Variants in MBNL1 observed in about 807,000 individuals in gnomAD.
The protein encoded by MBNL1 is muscleblind like splicing regulator 1.
Under a neutral mutation model 42.2 loss-of-function variants are expected in MBNL1, and 8 were observed. That is an observed-to-expected ratio of 0.19 (90% CI 0.11 to 0.34). The LOEUF (loss-of-function observed/expected upper bound fraction) is 0.34, where lower values mean the gene tolerates loss of function less well. Ranked by LOEUF, MBNL1 falls within the 10% of genes least tolerant of loss-of-function variation. MBNL1 has a pLI of 1.00. For missense variants in MBNL1, 309 were observed against 495.3 expected (o/e 0.62, Z 3.57); for synonymous variants, 169 against 173.9 (o/e 0.97, Z 0.22).
Position 152,289,317 on chromosome 3 carries a change from TAGAA to T in MBNL1, c.-789-10084_-789-10081del, listed in dbSNP as rs773529898. 3.5e-4 allele frequency among the ~76,000 whole-genome samples: 54 copies of T among 152,244 alleles called. 1 individual carries two copies. The highest frequency in any genetic ancestry group is 1.2e-3 in the African/African-American group (50 of 41,580). ...TTATATTGATCTGTTTCTATTGACA[TAGAA>T]AGATCATTAATATATTTTATATTGT... On this transcript the variant is annotated intron_variant, in intron 1 of 9. Coordinates refer to ENST00000324210, the MANE Select transcript of MBNL1 (RefSeq NM_021038.5).
intron 2 of MBNL1, among the ~76,000 whole-genome samples, chr3:152,400,600 G>A (rs2098173031): frequency 6.6e-6 from 1 of 152,088 alleles, no homozygotes; most frequent in South Asian, 2.1e-4. Context: ...CTTTTTCCTT[G>A]AAATATTTTC....
At chr3:152,329,961 C>T (rs2083217704) in intron 2 of MBNL1, among the ~76,000 whole-genome samples, 1 of 151,832 alleles carries the variant, frequency 6.6e-6, no homozygotes, top group Non-Finnish European at 1.5e-5. Flanking sequence ...TTGTAACTGT[C>T]TATATCATAC....
intron 2 of MBNL1, among the ~76,000 whole-genome samples, chr3:152,316,914 A>AT (rs2072062951): frequency 6.6e-6 from 1 of 151,904 alleles, no homozygotes. Flanking sequence ...CTATGGATGA[A>AT]TTTTTAAAAA....
chr3:152,461,051 T>G (rs1014390102), intron 9 of MBNL1, among the ~76,000 whole-genome samples: 3 of 152,276 alleles, frequency 2.0e-5, no homozygotes, highest in African/African-American at 7.2e-5. Context: ...GGTGTTGTTC[T>G]AAAGAGAATG....
At chr3:152,340,607 C>CT in intron 2 of MBNL1, 1 of 1,613,888 alleles carries the variant, frequency 6.2e-7, no homozygotes, top group Non-Finnish European at 8.5e-7. Flanking sequence ...AGTTTGGAAA[C>CT]TATCAGCAGG....
chr3:152,366,588 C>T (rs992094383), intron 2 of MBNL1, among the ~76,000 whole-genome samples: 1 of 152,086 alleles, frequency 6.6e-6, no homozygotes, highest in African/African-American at 2.4e-5. Context: ...ATGAAGGAAT[C>T]TTTTCAGTTC....
chr3:152,294,563 C>T (rs888012546), intron 1 of MBNL1, among the ~76,000 whole-genome samples: 7 of 152,130 alleles, frequency 4.6e-5, no homozygotes, highest in Non-Finnish European at 4.4e-5. Context: ...GGATTACAGG[C>T]GTGAGCCACC....
chr3:152,244,641 A>T (rs2149334960), intron 2 of MBNL1, among the ~76,000 whole-genome samples: 1 of 152,150 alleles, frequency 6.6e-6, no homozygotes, highest in East Asian at 1.9e-4. Context: ...AACCTGGAAA[A>T]ATTTAAAGTT....
At chr3:152,315,554 A>G (rs2070361471) in intron 2 of MBNL1, among the ~76,000 whole-genome samples, 1 of 152,206 alleles carries the variant, frequency 6.6e-6, no homozygotes, top group Admixed American at 6.5e-5. Flanking sequence ...ATTTCCATGT[A>G]ATAACATTTA....
chr3:152,292,130 C>T (rs1338131458), intron 1 of MBNL1, among the ~76,000 whole-genome samples: 3 of 152,062 alleles, frequency 2.0e-5, no homozygotes, highest in African/African-American at 2.4e-5. Context: ...GGGACTTGGA[C>T]GAAGGCCTAT....
At chr3:152,354,924 T>C (rs2095399633) in intron 2 of MBNL1, among the ~76,000 whole-genome samples, 1 of 152,248 alleles carries the variant, frequency 6.6e-6, no homozygotes, top group South Asian at 2.1e-4. Context: ...CGCCTTTTAC[T>C]AAAGAAATTT....
chr3:152,460,021 A>G (rs1742241153), intron 9 of MBNL1, among the ~76,000 whole-genome samples: 1 of 152,134 alleles, frequency 6.6e-6, no homozygotes, highest in Non-Finnish European at 1.5e-5. Flanking sequence ...TGGGAGGCCA[A>G]GGTGGGTGGA....
At chr3:152,346,131 G>C (rs1237117749) in intron 2 of MBNL1, among the ~76,000 whole-genome samples, 1 of 152,122 alleles carries the variant, frequency 6.6e-6, no homozygotes, top group African/African-American at 2.4e-5. Flanking sequence ...TCGGATTCAT[G>C]TGGCAGGATG....
chr3:152,300,336 G>A lies in MBNL1; in HGVS notation c.143G>A (p.Gly48Glu). 5.0e-6 allele frequency: 8 copies of A among 1,614,052 alleles called. No homozygotes were observed. Among genetic ancestry groups the A allele is most frequent in the Non-Finnish European group, 5.9e-6 (7 of 1,179,932 alleles). ...HPSKSCQVENGRVIACFDSLK... is the reference protein window; with the variant it reads ...HPSKSCQVENERVIACFDSLK... ...TCGAAAAGCTGCCAAGTTGAAAATG[G>A]ACGAGTAATCGCCTGCTTTGATTCA... Residue 48 changes from glycine to glutamate, a missense_variant, in exon 2 of 10, where the codon GGA becomes GAA. Coordinates refer to ENST00000324210, the MANE Select transcript of MBNL1 (RefSeq NM_021038.5).
chr3:152,429,792 TTGTG>T (rs375863735), intron 3 of MBNL1, among the ~76,000 whole-genome samples: 11 of 149,610 alleles, frequency 7.4e-5, no homozygotes, highest in Admixed American at 1.3e-4. Context: ...TGGTGTGTGT[TTGTG>T]TGTGTGTGTG....
intron 2 of MBNL1, among the ~76,000 whole-genome samples, chr3:152,347,624 A>T (rs1002755023): frequency 6.6e-6 from 1 of 152,148 alleles, no homozygotes; most frequent in Non-Finnish European, 1.5e-5. Flanking sequence ...GTAAGAAGAC[A>T]GTGTGAAAAA....
intron 2 of MBNL1, among the ~76,000 whole-genome samples, chr3:152,373,641 C>T (rs2096775889): frequency 6.6e-6 from 1 of 152,222 alleles, no homozygotes; most frequent in Non-Finnish European, 1.5e-5. Flanking sequence ...TGGGCTGCAC[C>T]CACTGTCTAA....
intron 2 of MBNL1, among the ~76,000 whole-genome samples, chr3:152,309,956 C>T (rs899390869): frequency 8.5e-5 from 13 of 152,168 alleles, no homozygotes; most frequent in African/African-American, 2.7e-4. Flanking sequence ...TAAAACCCTT[C>T]TAGTCTTTAA....
At chr3:152,316,601 T>C (rs138597022) in intron 2 of MBNL1, among the ~76,000 whole-genome samples, 18 of 152,256 alleles carry the variant, frequency 1.2e-4, no homozygotes, top group African/African-American at 3.9e-4. Flanking sequence ...TCCTGCTTGC[T>C]CCATCACCTA....
Sources: allele counts gnomAD v4.1 joint callset (sites outside exome capture counted in the v4.1 genomes callset), GRCh38; gene constraint gnomAD v4.1.1; transcripts MANE v1.5; gene names NCBI Gene and HGNC (gene_info 2026-07-23, HGNC 2026-07-21).